The following GLYATL1 variants were observed in gnomAD, a reference collection of about 807,000 sequenced individuals.
GLYATL1 encodes glycine N-acyltransferase-like protein 1.
In GLYATL1, 15 loss-of-function variants were observed where a neutral mutation model predicts 20.0. The ratio of observed to expected loss-of-function variants is 0.75; its 90% CI spans 0.50 to 1.15. The LOEUF (loss-of-function observed/expected upper bound fraction) is 1.15. Ranked by LOEUF, GLYATL1 falls within the 50% of genes most tolerant of loss-of-function variation. GLYATL1 has a pLI of 0.00. For missense variants in GLYATL1, 380 were observed against 368.5 expected (o/e 1.03, Z -0.26); for synonymous variants, 151 against 131.5 (o/e 1.15, Z -1.01).
At position 58,943,542 on chromosome 11, in the gene GLYATL1, G is replaced by T. The variant is rs753394263; in HGVS notation, c.-166-1G>T. On this transcript the variant is annotated splice_acceptor_variant, in intron 1 of 6. Coordinates refer to ENST00000532726, the MANE Select transcript of GLYATL1 (RefSeq NM_001389712.2). LOFTEE classifies it low-confidence loss of function (5UTR_SPLICE). ...TTCAGCTGAAGTTTTTCTTTTATCAGATGGTGTCACAAGAAGGATCTGAAG... is the reference window on the plus strand; with the variant it reads ...TTCAGCTGAAGTTTTTCTTTTATCATATGGTGTCACAAGAAGGATCTGAAG... 6.2e-7 allele frequency: 1 copy of T among 1,609,394 alleles called. No homozygotes were observed. The highest frequency in any genetic ancestry group is 1.1e-5 in the South Asian group (1 of 89,954).
intron 1 of GLYATL1, among the ~76,000 whole-genome samples, chr11:58,905,842 C>G (rs1854863091): frequency 6.6e-6 from 1 of 152,246 alleles, no homozygotes; most frequent in South Asian, 2.1e-4. Context: ...TTCCTCTCTT[C>G]AATCACTGTC....
intron 6 of GLYATL1, 73 bp downstream of exon 6, chr11:58,955,426 T>G (rs1857327486): frequency 1.4e-6 from 2 of 1,457,166 alleles, no homozygotes; most frequent in Non-Finnish European, 1.9e-6. Flanking sequence ...AAATCAGTTT[T>G]GGAATGAAGA....
At position 58,948,015 on chromosome 11, in the gene GLYATL1, G is replaced by A. The variant is rs376348990; in HGVS notation, c.186+50G>A. On this transcript the variant is annotated intron_variant, in intron 4 of 6. Coordinates refer to ENST00000532726, the MANE Select transcript of GLYATL1 (RefSeq NM_001389712.2). The stretch of plus-strand genomic sequence containing the variant: ...GGAGCCAGGCAGGTCCACAGGGCCT[G>A]AGGAACTGACCAGTTCAGACACCAT... The A allele has an allele frequency of 3.0e-4, 379 of 1,242,794 alleles. 1 individual carries two copies. In the African/African-American group the frequency reaches 5.1e-3, roughly 17 times the overall value. 77.0% of individuals were successfully genotyped at this position (1,242,794 alleles called of 1,614,324 possible). A position where few individuals can be genotyped will look rare whatever the true frequency, so the allele number is the denominator to read the frequency against.
Position 58,955,732 on chromosome 11 carries a change from T to G in GLYATL1, c.614T>G (p.Leu205Arg), listed in dbSNP as rs1857362250. ...TACATCAAGCGCTGCATAGAAGACC[T>G]GCCAGCAGCCTGTATGCTCGGCCCA... ...LHYIKRCIEDLPAACMLGPEG... is the reference protein window; with the variant it reads ...LHYIKRCIEDRPAACMLGPEG... Residue 205 changes from leucine to arginine, a missense_variant, in exon 7 of 7, where the codon CTG (leucine) becomes CGG (arginine). Leu to Arg is a moderately radical substitution (Grantham distance 102). Transcript: ENST00000532726. 1 of 1,614,094 alleles carries G rather than the reference T, an allele frequency of 6.2e-7. No homozygotes were observed.
intron 1 of GLYATL1, among the ~76,000 whole-genome samples, chr11:58,942,814 A>G (rs1395163662): frequency 1.3e-5 from 2 of 152,218 alleles, no homozygotes; most frequent in African/African-American, 4.8e-5. Flanking sequence ...AAGTGATCCA[A>G]AATTAAGAAA....
chr11:58,916,130 T>C lies in GLYATL1; in HGVS notation n.264+10469T>C, dbSNP rs188805835. Among the ~76,000 whole-genome samples, 519 of 152,330 alleles carry C rather than the reference T, an allele frequency of 3.4e-3. 13 individuals carry two copies. Among genetic ancestry groups the C allele is most frequent in the Admixed American group, 0.032 (484 of 15,300 alleles). On this transcript the variant is annotated intron_variant and non_coding_transcript_variant, in intron 1 of 2. Transcript: ENST00000534674. ...GTTGGAATTTGCTGTCCCTAGACTC[T>C]CCTTCCTCTTCCAGTCTTTTTTGGA... is the stretch of plus-strand genomic sequence containing the variant.
At chr11:58,955,385 G>A in intron 6 of GLYATL1, 32 bp downstream of exon 6, 3 of 1,573,812 alleles carry the variant, frequency 1.9e-6, no homozygotes, top group Non-Finnish European at 2.6e-6. Flanking sequence ...ATTTATAATT[G>A]CGATTCCTTG....
At chr11:58,910,064 CT>C (rs1565116048), downstream of GLYATL1, among the ~76,000 whole-genome samples, 3 of 152,306 alleles carry the variant, frequency 2.0e-5, no homozygotes, top group Non-Finnish European at 4.4e-5. Flanking sequence ...ATTGTCCCAA[CT>C]TAAGTAGCTC....
chr11:58,935,987 C>T (rs1224820867), upstream of GLYATL1, among the ~76,000 whole-genome samples: 3 of 152,180 alleles, frequency 2.0e-5, no homozygotes, highest in Non-Finnish European at 4.4e-5. Context: ...TACTTTTGGC[C>T]TCTTTCTCCA....
chr11:58,946,242 T>TATGCTA (rs1856560658), intron 2 of GLYATL1, among the ~76,000 whole-genome samples: 2 of 152,236 alleles, frequency 1.3e-5, no homozygotes, highest in Non-Finnish European at 2.9e-5. Context: ...TGCTATGCAT[T>TATGCTA]TTATACATAT....
chr11:58,921,925 G>T (rs1233541717), intron 1 of GLYATL1, among the ~76,000 whole-genome samples: 1 of 152,194 alleles, frequency 6.6e-6, no homozygotes, highest in Non-Finnish European at 1.5e-5. Flanking sequence ...AGGGTTAAAT[G>T]GAGTGTATAA....
chr11:58,933,267 T>G (rs1176571334), intron 1 of GLYATL1, among the ~76,000 whole-genome samples: 1 of 152,162 alleles, frequency 6.6e-6, no homozygotes, highest in East Asian at 1.9e-4. Flanking sequence ...CGGAGATAGA[T>G]TTGAGCAATA....
rs766359672 is a variant in GLYATL1 at position 58,955,791 on chromosome 11, C to T, written c.673C>T (p.Pro225Ser). 15 of 1,614,094 alleles carry T rather than the reference C, an allele frequency of 9.3e-6. No individual in the cohort carries two copies. In the South Asian group the frequency reaches 1.5e-4, roughly 17 times the overall value. Residue 225 changes from proline to serine, a missense_variant, in exon 7 of 7, where the codon CCT (proline) becomes TCT (serine). By Grantham distance (74) the Pro-to-Ser change is moderately conservative. Coordinates refer to ENST00000532726, the MANE Select transcript of GLYATL1 (RefSeq NM_001389712.2). Reference sequence around the variant, plus strand: ...CCCGGTCTCATGGGTAACCATGGACCCTTCTTGTGAAGTAGGAATGGCCTA... The same window carrying T: ...CCCGGTCTCATGGGTAACCATGGACTCTTCTTGTGAAGTAGGAATGGCCTA... Reference protein sequence around the residue: ...GVPVSWVTMDPSCEVGMAYSM... With the variant: ...GVPVSWVTMDSSCEVGMAYSM...
upstream of GLYATL1, chr11:58,935,359 T>C (rs1245419428): frequency 2.6e-5 from 4 of 152,198 alleles, no homozygotes; most frequent in Non-Finnish European, 5.9e-5. Flanking sequence ...ACTTCACTTT[T>C]CTTCTTCGAC....
chr11:58,921,392 G>A (rs1163445559), intron 1 of GLYATL1, among the ~76,000 whole-genome samples: 1 of 152,102 alleles, frequency 6.6e-6, no homozygotes, highest in African/African-American at 2.4e-5. Flanking sequence ...CGTTCCTAGG[G>A]GCCCAAAGAG....
downstream of GLYATL1, among the ~76,000 whole-genome samples, chr11:58,909,454 A>C (rs1335926038): frequency 1.3e-5 from 2 of 152,202 alleles, no homozygotes; most frequent in Non-Finnish European, 2.9e-5. Context: ...AGATAGGTTG[A>C]TGTCATAGAT....
chr11:58,907,676 C>T (rs551288593), exon 2 of GLYATL1: 18 of 194,614 alleles, frequency 9.2e-5, no homozygotes, highest in Non-Finnish European at 1.5e-4. Context: ...TTAAATACTT[C>T]CTGATTTTTG....
At chr11:58,918,165 C>T (rs1017398310) in intron 1 of GLYATL1, among the ~76,000 whole-genome samples, 1 of 152,180 alleles carries the variant, frequency 6.6e-6, no homozygotes, top group Non-Finnish European at 1.5e-5. Context: ...TGATTGGATG[C>T]TCCTGGTAAG....
Position 58,954,635 on chromosome 11 carries a change from G to A in GLYATL1, c.187-135G>A, listed in dbSNP as rs769976946. On this transcript the variant is annotated intron_variant, in intron 4 of 6. Coordinates refer to ENST00000532726, the MANE Select transcript of GLYATL1 (RefSeq NM_001389712.2). ...GCTTATAGGCCTAGGTTTTATTATCGATGTGCCCAACTGCAGCCATCATGG... is the reference window on the plus strand; with the variant it reads ...GCTTATAGGCCTAGGTTTTATTATCAATGTGCCCAACTGCAGCCATCATGG... 1.7e-4 allele frequency: 118 copies of A among 694,626 alleles called. 1 individual carries two copies. The South Asian group carries it at 1.9e-3, about 11-fold the overall frequency. The allele number at this position is 694,626 out of a possible 1,614,324, so 43.0% of individuals were successfully genotyped here.
Sources: gnomAD v4.1 joint callset for allele counts (sites outside exome capture counted in the v4.1 genomes callset) on GRCh38, gnomAD v4.1.1 for gene constraint, MANE v1.5 for transcripts, NCBI Gene and HGNC (gene_info 2026-07-23, HGNC 2026-07-21) for gene names.